The following HDAC9 variants were observed in gnomAD, a reference collection of about 807,000 sequenced individuals.
HDAC9 encodes the protein histone deacetylase 9.
Under a neutral mutation model 139.4 loss-of-function variants are expected in HDAC9, and 41 were observed. The observed-to-expected ratio is 0.29, with a 90% confidence interval of 0.23 to 0.38. HDAC9 has a LOEUF of 0.38. Among genes scored for constraint, HDAC9 ranks in the 10% least tolerant of loss-of-function variants. The probability of loss-of-function intolerance (pLI) is 1.00; values close to 1 mark genes in which losing one functional copy is unlikely to be tolerated. For missense variants in HDAC9, 1,147 were observed against 1,297.0 expected (o/e 0.88, Z 1.78); for synonymous variants, 517 against 476.2 (o/e 1.09, Z -1.12).
intron 1 of HDAC9, among the ~76,000 whole-genome samples, chr7:18,292,615 GA>G (rs1240929248): frequency 6.6e-6 from 1 of 151,980 alleles, no homozygotes; most frequent in African/African-American, 2.4e-5. Flanking sequence ...TAAAAAAAAA[GA>G]AATGCTCTTT....
chr7:18,315,852 G>A (rs1212485834), intron 1 of HDAC9, among the ~76,000 whole-genome samples: 1 of 152,224 alleles, frequency 6.6e-6, no homozygotes, highest in African/African-American at 2.4e-5. Context: ...CACAAACTGG[G>A]TGTCTGCACT....
At chr7:18,131,926 G>A (rs1459883994) in intron 1 of HDAC9, among the ~76,000 whole-genome samples, 1 of 152,144 alleles carries the variant, frequency 6.6e-6, no homozygotes, top group Non-Finnish European at 1.5e-5. Flanking sequence ...ATATGTTTTA[G>A]GCAAAGAAGA....
intron 21 of HDAC9, among the ~76,000 whole-genome samples, chr7:18,862,284 GA>G (rs1431690017): frequency 2.0e-5 from 3 of 151,886 alleles, no homozygotes; most frequent in Admixed American, 1.3e-4. Context: ...TGTGAAGGGG[GA>G]AAAAAGTGTC....
chr7:18,479,436 G>T (rs149557023), intron 1 of HDAC9, among the ~76,000 whole-genome samples: 1 of 152,118 alleles, frequency 6.6e-6, no homozygotes, highest in Non-Finnish European at 1.5e-5. Context: ...ACATATGTGG[G>T]ACAATATTCC....
At chr7:18,920,406 G>C (rs906102153) in intron 22 of HDAC9, among the ~76,000 whole-genome samples, 49 of 152,086 alleles carry the variant, frequency 3.2e-4, no homozygotes, top group African/African-American at 1.2e-3. Context: ...GAGACAATGG[G>C]GTTTTCTAGA....
chr7:18,347,470 A>G (rs142890076), intron 1 of HDAC9, among the ~76,000 whole-genome samples: 1,751 of 152,308 alleles, frequency 0.011, 37 homozygotes, highest in African/African-American at 0.04. Context: ...GATTTCTACC[A>G]CTAATGGGAA....
chr7:18,288,328 C>T (rs1797589012), upstream of HDAC9, among the ~76,000 whole-genome samples: 1 of 152,148 alleles, frequency 6.6e-6, no homozygotes, highest in Non-Finnish European at 1.5e-5. Flanking sequence ...CTATAATTTG[C>T]CTTGGCATGT....
intron 2 of HDAC9, among the ~76,000 whole-genome samples, chr7:18,182,338 G>A (rs1267295280): frequency 3.3e-5 from 5 of 152,126 alleles, no homozygotes; most frequent in African/African-American, 9.7e-5. Context: ...GCTCTATGTC[G>A]TACAAGTATT....
rs1420780087 is a variant in HDAC9 at position 18,107,282 on chromosome 7, T to A, written c.-97+20069T>A. Among the ~76,000 whole-genome samples, 5 of 152,288 alleles carry A rather than the reference T, an allele frequency of 3.3e-5. No individual in the cohort carries two copies. In the East Asian group the frequency reaches 9.6e-4, roughly 29 times the overall value. On this transcript the variant is annotated intron_variant, in intron 1 of 12. Coordinates refer to the HDAC9 transcript ENST00000417496. The stretch of plus-strand genomic sequence containing the variant: ...AGACTGGGAGCTGCTTAGTGATAAC[T>A]GCTTTGTCTTTCATTAAAAAAATCT...
chr7:18,500,672 C>G (rs1024327197), intron 2 of HDAC9, among the ~76,000 whole-genome samples: 2 of 152,054 alleles, frequency 1.3e-5, no homozygotes, highest in African/African-American at 4.8e-5. Flanking sequence ...TTCAGAGCAG[C>G]GTACTAAATT....
chr7:18,543,939 CA>C (rs1247062698), intron 2 of HDAC9, among the ~76,000 whole-genome samples: 3 of 150,520 alleles, frequency 2.0e-5, no homozygotes, highest in African/African-American at 7.3e-5. Flanking sequence ...AGCAGAAGTG[CA>C]GCAAGAAATG....
chr7:18,644,702 A>G lies in HDAC9; in HGVS notation c.944A>G (p.His315Arg). Residue 315 changes from histidine (H) to arginine (R), a missense_variant, in exon 9 of 26, where the codon CAT becomes CGT. Transcript: ENST00000686413. ...GTTTCACAGCAACGCATTCTAATTCATGAAGATTCCATGAACCTGCTAAGT... is the reference window on the plus strand; with the variant it reads ...GTTTCACAGCAACGCATTCTAATTCGTGAAGATTCCATGAACCTGCTAAGT... ...QMVSQQRILI[H>R]EDSMNLLSLY... 1.2e-6 allele frequency: 2 copies of G among 1,611,924 alleles called. No individual in the cohort carries two copies. Among genetic ancestry groups the G allele is most frequent in the Non-Finnish European group, 1.7e-6 (2 of 1,178,878 alleles).
Position 18,151,057 on chromosome 7 carries a change from A to T in HDAC9, c.-96-11172A>T, listed in dbSNP as rs1027299065. ...TCTCAGTCTATTTTAATACATGCAT[A>T]TATATATGCATTTTTTTTTTGCAGA... On this transcript the variant is annotated intron_variant, in intron 1 of 12. Transcript: ENST00000417496. 7.9e-5 allele frequency among the ~76,000 whole-genome samples: 12 copies of T among 152,226 alleles called. No individual in the cohort carries two copies. In the East Asian group the frequency reaches 2.1e-3, roughly 27 times the overall value.
intron 1 of HDAC9, among the ~76,000 whole-genome samples, chr7:18,129,382 A>T (rs1421012171): frequency 4.5e-4 from 68 of 152,112 alleles, no homozygotes; most frequent in Non-Finnish European, 1.3e-4. Flanking sequence ...TCATTGAGAG[A>T]GGACCTTGTT....
chr7:18,930,697 A>G (rs987154915), intron 22 of HDAC9, among the ~76,000 whole-genome samples: 1 of 152,198 alleles, frequency 6.6e-6, no homozygotes, highest in Non-Finnish European at 1.5e-5. Context: ...CATCACTTGA[A>G]TGTTTTGTGC....
chr7:18,363,362 G>A (rs1204062010), intron 1 of HDAC9, among the ~76,000 whole-genome samples: 1 of 152,050 alleles, frequency 6.6e-6, no homozygotes, highest in Non-Finnish European at 1.5e-5. Context: ...CAGTAATTGT[G>A]GGTTTTAGAA....
At chr7:18,966,920 G>T (rs1006878554) in intron 24 of HDAC9, among the ~76,000 whole-genome samples, 2 of 151,920 alleles carry the variant, frequency 1.3e-5, no homozygotes, top group Non-Finnish European at 2.9e-5. Context: ...TTTTAATTTC[G>T]CTATCAACAT....
At position 19,000,341 on chromosome 7, in the gene HDAC9, A is replaced by G. The variant is rs995531613; in HGVS notation, c.*4279A>G. On this transcript the variant is annotated 3_prime_UTR_variant, in exon 26 of 26. Transcript: ENST00000686413. ...CCTATATGTGACTTTTTCTGGGCATATTTGCATCAAAAATCACAGTCCTTG... is the reference window on the plus strand; with the variant it reads ...CCTATATGTGACTTTTTCTGGGCATGTTTGCATCAAAAATCACAGTCCTTG... 18 of 152,198 alleles carry G rather than the reference A, an allele frequency of 1.2e-4. No homozygotes were observed. The highest frequency in any genetic ancestry group is 5.8e-4 in the East Asian group (3 of 5,202). 9.4% of individuals were successfully genotyped at this position (152,198 alleles called of 1,614,324 possible).
Position 18,452,648 on chromosome 7 carries a change from AG to A in HDAC9, c.-41-43612del, listed in dbSNP as rs757333562. Among the ~76,000 whole-genome samples the A allele has an allele frequency of 1.1e-4, 16 of 152,248 alleles. No individual in the cohort carries two copies. In the South Asian group the frequency reaches 2.3e-3, roughly 22 times the overall value. On this transcript the variant is annotated intron_variant, in intron 1 of 3. Coordinates refer to the HDAC9 transcript ENST00000413509. ...TATGTCATGGGATGGACTCAGTGGG[AG>A]GTAATTGAATCATGGGGACAGGTTT...
Sources: gnomAD v4.1 joint callset for allele counts (sites outside exome capture counted in the v4.1 genomes callset) on GRCh38, gnomAD v4.1.1 for gene constraint, MANE v1.5 for transcripts, NCBI Gene and HGNC (gene_info 2026-07-23, HGNC 2026-07-21) for gene names.